The following CTNNA2 variants were observed in gnomAD, a reference collection of about 807,000 sequenced individuals.
CTNNA2 encodes the protein catenin alpha-2.
In CTNNA2, 42 loss-of-function variants were observed where a neutral mutation model predicts 101.0. The ratio of observed to expected loss-of-function variants is 0.42; its 90% CI spans 0.32 to 0.54. The LOEUF is 0.54. Among genes scored for constraint, CTNNA2 ranks in the 20% least tolerant of loss-of-function variants. The pLI is 0.14. For missense variants in CTNNA2, 871 were observed against 1,223.1 expected, an observed-to-expected ratio of 0.71 and a Z score of 4.29; for synonymous variants, 450 against 456.4, an observed-to-expected ratio of 0.99 and a Z score of 0.18.
chr2:80,008,827 A>G (rs1693564364), intron 7 of CTNNA2, among the ~76,000 whole-genome samples: 1 of 152,124 alleles, frequency 6.6e-6, no homozygotes, highest in African/African-American at 2.4e-5. Context: ...GTGTGAAATC[A>G]CCTCTCAGTA....
At chr2:79,756,040 A>C (rs1045707398) in intron 3 of CTNNA2, among the ~76,000 whole-genome samples, 1 of 147,638 alleles carries the variant, frequency 6.8e-6, no homozygotes, top group Non-Finnish European at 1.5e-5. Flanking sequence ...TTTGTATGCC[A>C]AAGTTTGCAT....
intron 1 of CTNNA2, among the ~76,000 whole-genome samples, chr2:79,553,146 T>A (rs2104069432): frequency 6.6e-6 from 1 of 152,346 alleles, no homozygotes; most frequent in African/African-American, 2.4e-5. Context: ...TTGAATATTT[T>A]GCTGCTTAGA....
chr2:79,197,083 A>T (rs59584421), intron 1 of CTNNA2, among the ~76,000 whole-genome samples: 25,450 of 152,182 alleles, frequency 0.17, 2,342 homozygotes, highest in African/African-American at 0.19. Flanking sequence ...ATTTCTTCAA[A>T]GCTTGAAACA....
In CTNNA2 at chr2:79,316,154, T is replaced by G. The variant is rs117147622; in HGVS notation, c.-318+3358T>G. On this transcript the variant is annotated intron_variant, in intron 3 of 21. Coordinates refer to the CTNNA2 transcript ENST00000466387. ...AGGAAGGTGTCCAAATTCATGCTTTTGTATGTGGATAGATATCAGGATGTC... is the reference window on the plus strand; with the variant it reads ...AGGAAGGTGTCCAAATTCATGCTTTGGTATGTGGATAGATATCAGGATGTC... 2.6e-3 allele frequency among the ~76,000 whole-genome samples: 392 copies of G among 152,194 alleles called. 8 individuals are homozygous for G. In the East Asian group the frequency reaches 0.062, roughly 24 times the overall value.
intron 15 of CTNNA2, among the ~76,000 whole-genome samples, chr2:80,601,421 C>T (rs13397651): frequency 0.38 from 30,853 of 81,042 alleles, 6,097 homozygotes; most frequent in Non-Finnish European, 0.43. Context: ...TTCTTTCTTT[C>T]TTTTTTTTTT....
chr2:79,226,127 A>G (rs1218346959), intron 2 of CTNNA2, among the ~76,000 whole-genome samples: 3 of 152,132 alleles, frequency 2.0e-5, no homozygotes, highest in Non-Finnish European at 2.9e-5. Context: ...TTCTAAGAAG[A>G]GTCTAATTTC....
At chr2:79,491,159 G>C (rs913113537) in intron 4 of CTNNA2, among the ~76,000 whole-genome samples, 5 of 152,040 alleles carry the variant, frequency 3.3e-5, no homozygotes, top group Admixed American at 1.3e-4. Flanking sequence ...TCTGAACTTC[G>C]CTTCTTGTAA....
At chr2:79,668,313 A>G (rs929837935) in intron 2 of CTNNA2, among the ~76,000 whole-genome samples, 1 of 151,190 alleles carries the variant, frequency 6.6e-6, no homozygotes, top group African/African-American at 2.4e-5. Context: ...TTGGAAAATC[A>G]TGGAATTTCT....
At position 80,378,442 on chromosome 2, in the gene CTNNA2, T is replaced by TAC. The variant is rs1491437740; in HGVS notation, c.1057-14768_1057-14767insCA. 5.0e-4 allele frequency among the ~76,000 whole-genome samples: 67 copies of TAC among 135,194 alleles called. No individual in the cohort carries two copies. The East Asian group carries it at 0.014, about 29-fold the overall frequency. The allele number at this position is 135,194 out of a possible 152,430, so 88.7% of individuals were successfully genotyped here. The stretch of plus-strand genomic sequence containing the variant: ...GACATAATGTCACATGAACTTGCAG[T>TAC]ATACACACACACACACACACACACA... On this transcript the variant is annotated intron_variant, in intron 7 of 18. Coordinates refer to ENST00000402739, the MANE Select transcript of CTNNA2 (RefSeq NM_001282597.3).
intron 3 of CTNNA2, among the ~76,000 whole-genome samples, chr2:79,806,591 G>A (rs1676591803): frequency 6.6e-6 from 1 of 151,962 alleles, no homozygotes; most frequent in Non-Finnish European, 1.5e-5. Flanking sequence ...CAAACAGAGG[G>A]TACCATGTGC....
At chr2:79,747,706 A>G (rs891990835) in intron 3 of CTNNA2, among the ~76,000 whole-genome samples, 8 of 152,212 alleles carry the variant, frequency 5.3e-5, no homozygotes, top group Non-Finnish European at 7.3e-5. Context: ...TGGCCAGACT[A>G]TCCTAGGAGT....
At chr2:80,077,466 C>A (rs796264898) in intron 7 of CTNNA2, among the ~76,000 whole-genome samples, 2 of 151,672 alleles carry the variant, frequency 1.3e-5, no homozygotes, top group Admixed American at 1.3e-4. Context: ...CAACAACTAG[C>A]GGTTAGGCGT....
At chr2:79,843,683 A>C (rs1458566715) in intron 3 of CTNNA2, among the ~76,000 whole-genome samples, 2 of 152,156 alleles carry the variant, frequency 1.3e-5, no homozygotes, top group Non-Finnish European at 2.9e-5. Flanking sequence ...CATACCTTTA[A>C]ACTCCTTTTG....
rs72397142 is a variant in CTNNA2, at chr2:79,799,181, GT to G, written c.298+54612del. Reference sequence around the variant, plus strand: ...ATAATTCGATGCAGTCTCAGATCTTGTTTTTTTTTTTTTAATCTCTGCCAGC... The same window carrying G: ...ATAATTCGATGCAGTCTCAGATCTTGTTTTTTTTTTTTAATCTCTGCCAGC... On this transcript the variant is annotated intron_variant, in intron 3 of 18. Coordinates refer to ENST00000402739, the MANE Select transcript of CTNNA2 (RefSeq NM_001282597.3). 3.3e-3 allele frequency among the ~76,000 whole-genome samples: 473 copies of G among 143,492 alleles called. 1 individual carries two copies. Among genetic ancestry groups the G allele is most frequent in the Middle Eastern group, 0.011 (3 of 274 alleles). 94.1% of individuals were successfully genotyped at this position (143,492 alleles called of 152,430 possible).
At chr2:79,718,825 T>G (rs34381760) in intron 2 of CTNNA2, among the ~76,000 whole-genome samples, 26,118 of 120,330 alleles carry the variant, frequency 0.22, 2,489 homozygotes, top group Middle Eastern at 0.27. Context: ...TTCCCACTTG[T>G]TTTTTTTTTT....
chr2:79,530,661 C>A (rs1406596462), intron 1 of CTNNA2, among the ~76,000 whole-genome samples: 3 of 152,168 alleles, frequency 2.0e-5, no homozygotes, highest in Non-Finnish European at 4.4e-5. Flanking sequence ...AGAAGTGGAT[C>A]TCACTTGATC....
intron 2 of CTNNA2, among the ~76,000 whole-genome samples, chr2:79,300,543 G>A (rs1282679740): frequency 6.6e-6 from 1 of 152,120 alleles, no homozygotes; most frequent in Non-Finnish European, 1.5e-5. Flanking sequence ...AACCACATCA[G>A]TATACTGTTG....
At chr2:79,692,680 A>G (rs762230585) in intron 2 of CTNNA2, among the ~76,000 whole-genome samples, 12 of 152,068 alleles carry the variant, frequency 7.9e-5, no homozygotes, top group Non-Finnish European at 1.5e-4. Context: ...TATACCATGG[A>G]ATACTATACA....
intron 2 of CTNNA2, among the ~76,000 whole-genome samples, chr2:79,736,311 G>A (rs1015592268): frequency 4.6e-5 from 7 of 151,826 alleles, no homozygotes; most frequent in African/African-American, 1.4e-4. Context: ...TGAGGAAAAG[G>A]CACAAGCCAT....
Sources: allele counts gnomAD v4.1 joint callset (sites outside exome capture counted in the v4.1 genomes callset), GRCh38; gene constraint gnomAD v4.1.1; transcripts MANE v1.5; gene names NCBI Gene and HGNC (gene_info 2026-07-23, HGNC 2026-07-21).